The following NEK9 variants were observed in gnomAD, a reference collection of about 807,000 sequenced individuals.
NEK9 encodes the protein serine/threonine-protein kinase Nek9.
NEK9 carries 75 observed loss-of-function variants against 123.4 expected under a neutral mutation model. The observed-to-expected ratio is 0.61, with a 90% confidence interval of 0.50 to 0.74. The LOEUF (loss-of-function observed/expected upper bound fraction) is 0.74, where lower values mean the gene tolerates loss of function less well. Among genes scored for constraint, NEK9 ranks in the 30% least tolerant of loss-of-function variants. The probability of loss-of-function intolerance (pLI) is 0.00; values close to 1 mark genes in which losing one functional copy is unlikely to be tolerated. For missense variants in NEK9, 952 were observed against 1,214.4 expected (o/e 0.78, Z 3.21); for synonymous variants, 438 against 458.7 (o/e 0.95, Z 0.58).
intron 1 of NEK9, among the ~76,000 whole-genome samples, chr14:75,125,762 TA>T (rs1429447342): frequency 6.6e-6 from 1 of 152,224 alleles, no homozygotes; most frequent in Non-Finnish European, 1.5e-5. Flanking sequence ...CTTTCAGCCT[TA>T]AAAGTATGCT....
At chr14:75,118,796 ATAAAAT>A in intron 5 of NEK9, 28 bp downstream of exon 5, 1 of 1,225,166 alleles carries the variant, frequency 8.2e-7, no homozygotes, top group East Asian at 2.3e-5. Context: ...GTGCTAGAAA[ATAAAAT>A]AAAAATTAAG....
intron 8 of NEK9, 57 bp downstream of exon 8, chr14:75,113,282 G>T: frequency 7.6e-7 from 1 of 1,309,618 alleles, no homozygotes; most frequent in Non-Finnish European, 1.1e-6. Context: ...CTCTGATCAA[G>T]CCTCTAAAAG....
intron 6 of NEK9, among the ~76,000 whole-genome samples, chr14:75,115,000 CAT>C (rs1895081976): frequency 6.6e-6 from 1 of 151,622 alleles, no homozygotes; most frequent in Non-Finnish European, 1.5e-5. Context: ...TATATACACA[CAT>C]ACATATACAC....
chr14:75,118,750 G>T, intron 5 of NEK9, 80 bp downstream of exon 5: 1 of 826,636 alleles, frequency 1.2e-6, no homozygotes. Context: ...ATTGAGAAAA[G>T]TATGCAAGAT....
intron 1 of NEK9, among the ~76,000 whole-genome samples, chr14:75,124,714 T>C (rs1310196258): frequency 1.4e-5 from 2 of 146,746 alleles, no homozygotes; most frequent in Non-Finnish European, 2.9e-5. Flanking sequence ...ATGACCCCTT[T>C]TGCAACTCTA....
chr14:75,109,246 A>G (rs1045740279), intron 10 of NEK9, among the ~76,000 whole-genome samples: 1 of 152,186 alleles, frequency 6.6e-6, no homozygotes, highest in Non-Finnish European at 1.5e-5. Context: ...TACACAAAAT[A>G]TACCTAGCCA....
intron 5 of NEK9, among the ~76,000 whole-genome samples, chr14:75,118,288 G>T (rs1056634120): frequency 4.6e-5 from 7 of 152,140 alleles, no homozygotes; most frequent in Non-Finnish European, 1.0e-4. Context: ...TAACAACTGG[G>T]TTTTATAATT....
rs773415010 is a variant in NEK9, at chr14:75,095,352, C to A, written c.2233+20G>T. 1 of 1,587,344 alleles carries A rather than the reference C, an allele frequency of 6.3e-7. No individual in the cohort carries two copies. Among genetic ancestry groups the A allele is most frequent in the Admixed American group, 1.7e-5 (1 of 58,016 alleles). ...CCCACACTTCAGAAAACCACTGGTACCTGAAACATTGGTACTTACCAGTTC... is the reference window on the plus strand; with the variant it reads ...CCCACACTTCAGAAAACCACTGGTAACTGAAACATTGGTACTTACCAGTTC... On this transcript the variant is annotated intron_variant, in intron 18 of 21. Coordinates refer to ENST00000238616, the MANE Select transcript of NEK9 (RefSeq NM_033116.6).
At chr14:75,096,202 G>A (rs1373988375) in intron 17 of NEK9, among the ~76,000 whole-genome samples, 1 of 146,778 alleles carries the variant, frequency 6.8e-6, no homozygotes, top group African/African-American at 2.5e-5. Flanking sequence ...AGAATCGCTT[G>A]AACCTGGGAG....
chr14:75,104,638 A>T (rs962183537), intron 13 of NEK9, among the ~76,000 whole-genome samples: 2 of 151,408 alleles, frequency 1.3e-5, no homozygotes, highest in African/African-American at 4.9e-5. Context: ...GTGTGCCACC[A>T]TGCCCAGTTA....
At position 75,126,974 on chromosome 14, in the gene NEK9, C is replaced by G; in HGVS notation, c.-53G>C. The G allele has an allele frequency of 7.3e-7, 1 of 1,360,768 alleles. No homozygotes were observed. The highest frequency in any genetic ancestry group is 9.6e-7 in the Non-Finnish European group (1 of 1,039,422). 84.3% of individuals were successfully genotyped at this position (1,360,768 alleles called of 1,614,324 possible). The stretch of plus-strand genomic sequence containing the variant: ...GCCTGCGTATGCCCGGAGGCCCTGG[C>G]CGCGCTGCGTCCCGCTCGCTTCAGA... On this transcript the variant is annotated 5_prime_UTR_variant, in exon 1 of 22. Transcript: ENST00000238616.
chr14:75,088,486 T>C lies in NEK9; in HGVS notation c.2598A>G (p.Glu866=), dbSNP rs755472877. The C allele has an allele frequency of 6.2e-7, 1 of 1,613,368 alleles. No individual in the cohort carries two copies. The highest frequency in any genetic ancestry group is 8.5e-7 in the Non-Finnish European group (1 of 1,179,750). Residue 866 remains glutamate, a synonymous_variant, in exon 20 of 22, where the codon GAA becomes GAG. Transcript: ENST00000238616. ...AGGCAAAAAGCTCAGTTACCGAGGC[T>C]TCTACTTGGGGTTTGTGTTCCAAAG... is the stretch of plus-strand genomic sequence containing the variant. The part of the protein sequence containing the change: ...EAPLEHKPQV[E]ASSPRLNPAV...
chr14:75,089,986 C>G (rs1310680945), intron 19 of NEK9, among the ~76,000 whole-genome samples: 2 of 152,030 alleles, frequency 1.3e-5, no homozygotes, highest in Non-Finnish European at 2.9e-5. Flanking sequence ...CGTGAGCCAC[C>G]TTGCCCGGCT....
chr14:75,117,016 C>T (rs977744298), intron 6 of NEK9, among the ~76,000 whole-genome samples, 179 bp downstream of exon 6: 6 of 152,120 alleles, frequency 3.9e-5, no homozygotes, highest in African/African-American at 9.7e-5. Context: ...GGATTACAGG[C>T]GTGAGCCACT....
intron 13 of NEK9, 26 bp downstream of exon 13, chr14:75,105,924 T>C (rs189166643): frequency 6.3e-6 from 10 of 1,586,600 alleles, no homozygotes; most frequent in East Asian, 2.2e-5. Context: ...AGATAGGTTT[T>C]AGAAATAAGT....
At chr14:75,088,764 T>C in intron 19 of NEK9, 123 bp from the exon 20 acceptor site, 5 of 827,860 alleles carry the variant, frequency 6.0e-6, no homozygotes, top group Non-Finnish European at 9.3e-6. Context: ...GGCAAGACAG[T>C]TGTGGTTAAC....
intron 20 of NEK9, among the ~76,000 whole-genome samples, chr14:75,087,636 C>G (rs1039182362): frequency 6.6e-6 from 1 of 152,204 alleles, no homozygotes; most frequent in Non-Finnish European, 1.5e-5. Context: ...TAGAAAAGAT[C>G]TGAGAGGTGG....
Position 75,118,838 on chromosome 14 carries a change from C to T in NEK9, c.622G>A (p.Ala208Thr). The T allele has an allele frequency of 6.3e-7, 1 of 1,583,644 alleles. No homozygotes were observed. The highest frequency in any genetic ancestry group is 8.7e-7 in the Non-Finnish European group (1 of 1,152,476). The change falls in exon 5 of 22, where the codon GCT (alanine) becomes ACT (threonine). Residue 208 changes from alanine (A) to threonine (T), a missense_variant. By Grantham distance (58) the Ala-to-Thr change is moderately conservative. Around this residue, in one of 4 missense-constraint regions of NEK9, gnomAD observed 28 missense variants for 88.3 expected, o/e 0.32. Transcript: ENST00000238616. ...AKKLNSEYSMAETLVGTPYYM... is the reference protein window; with the variant it reads ...AKKLNSEYSMTETLVGTPYYM... Reference sequence around the variant, plus strand: ...ACAAGGGCAACACATACCGTCTCAGCCATGGAATACTCAGAATTAAGTTTC... The same window carrying T: ...ACAAGGGCAACACATACCGTCTCAGTCATGGAATACTCAGAATTAAGTTTC...
chr14:75,120,764 A>G, intron 3 of NEK9, 184 bp from the exon 4 acceptor site: 1 of 587,928 alleles, frequency 1.7e-6, no homozygotes, highest in Non-Finnish European at 3.0e-6. Context: ...ACCACAAAAA[A>G]CAGGTTCCTC....
Sources: allele counts gnomAD v4.1 joint callset (sites outside exome capture counted in the v4.1 genomes callset), GRCh38; gene constraint gnomAD v4.1.1; regional missense constraint gnomAD v4.1.1; transcripts MANE v1.5; gene names NCBI Gene and HGNC (gene_info 2026-07-23, HGNC 2026-07-21).